FBXO48: variants seen among roughly 807,000 people sequenced by gnomAD.
FBXO48 encodes F-box only protein 48.
FBXO48 carries 12 observed loss-of-function variants against 14.3 expected under a neutral mutation model. The observed-to-expected ratio is 0.84, with a 90% confidence interval of 0.54 to 1.36. The LOEUF (loss-of-function observed/expected upper bound fraction) is 1.36. Among genes scored for constraint, FBXO48 ranks in the 40% most tolerant of loss-of-function variants. FBXO48 has a pLI of 0.00. For synonymous variants in FBXO48, 53 were observed against 61.7 expected, an observed-to-expected ratio of 0.86 and a Z score of 0.66; for missense variants, 177 against 179.1, an observed-to-expected ratio of 0.99 and a Z score of 0.07.
Position 68,463,362 on chromosome 2 carries a change from A to G in FBXO48, c.*847T>C, listed in dbSNP as rs1675315401. ...AAAATAAAGGTTCCTAAAAAGTTAT[A>G]AACTTTAACAAAGACAAGTGTTAAG... On this transcript the variant is annotated 3_prime_UTR_variant, in exon 4 of 4. Transcript: ENST00000377957. The G allele has an allele frequency of 6.6e-6, 1 of 152,176 alleles. No individual in the cohort carries two copies. Among genetic ancestry groups the G allele is most frequent in the African/African-American group, 2.4e-5 (1 of 41,444 alleles). 9.4% of individuals were successfully genotyped at this position (152,176 alleles called of 1,614,324 possible).
intron 3 of FBXO48, 70 bp from the exon 4 acceptor site, chr2:68,464,440 GAGA>G (rs781343021): frequency 2.1e-6 from 3 of 1,399,884 alleles, no homozygotes; most frequent in Non-Finnish European, 3.0e-6. Flanking sequence ...TTTAAAGCAA[GAGA>G]AGCAGATTGA....
intron 3 of FBXO48, 102 bp downstream of exon 3, chr2:68,464,738 T>C: frequency 1.2e-6 from 1 of 822,106 alleles, no homozygotes; most frequent in Non-Finnish European, 2.0e-6. Flanking sequence ...TGTGTTATTC[T>C]GCATATGTAA....
In FBXO48 at chr2:68,461,028, A is replaced by T. The variant is rs963796049; in HGVS notation, c.*3181T>A. On this transcript the variant is annotated 3_prime_UTR_variant, in exon 4 of 4. Coordinates refer to ENST00000377957, the MANE Select transcript of FBXO48 (RefSeq NM_001024680.3). ...GTGATGGCCATATTATAGCAGATTA[A>T]GACTGACTGGTGAGGAAGTCAGAGT... 2.0e-5 allele frequency: 3 copies of T among 152,236 alleles called. No homozygotes were observed. 9.4% of individuals were successfully genotyped at this position (152,236 alleles called of 1,614,324 possible).
In FBXO48 at chr2:68,460,138, C is replaced by A. The variant is rs1389273869; in HGVS notation, c.*4071G>T. ...GGGCTTTAGTGGGGAATTTTGATTTCTACCTGTATGCAGTCAGGAGTTTAA... is the reference window on the plus strand; with the variant it reads ...GGGCTTTAGTGGGGAATTTTGATTTATACCTGTATGCAGTCAGGAGTTTAA... On this transcript the variant is annotated 3_prime_UTR_variant, in exon 4 of 4. Coordinates refer to ENST00000377957, the MANE Select transcript of FBXO48 (RefSeq NM_001024680.3). 6.6e-6 allele frequency: 1 copy of A among 152,128 alleles called. No individual in the cohort carries two copies. The highest frequency in any genetic ancestry group is 6.6e-5 in the Admixed American group (1 of 15,264). 9.4% of individuals were successfully genotyped at this position (152,128 alleles called of 1,614,324 possible). A position where few individuals can be genotyped will look rare whatever the true frequency, so the allele number is the denominator to read the frequency against.
In FBXO48 at chr2:68,466,778, A is replaced by T. The variant is rs78488159; in HGVS notation, c.-360-308T>A. Among the ~76,000 whole-genome samples, 1,099 of 152,286 alleles carry T rather than the reference A, an allele frequency of 7.2e-3. 11 individuals carry two copies. The highest frequency in any genetic ancestry group is 0.025 in the African/African-American group (1,048 of 41,550). On this transcript the variant is annotated intron_variant, in intron 1 of 3. Coordinates refer to ENST00000377957, the MANE Select transcript of FBXO48 (RefSeq NM_001024680.3). The stretch of plus-strand genomic sequence containing the variant: ...CTTTGCGAGTTTCTAAAATCCCACT[A>T]GGAATCTTTCTTCTACGTCCAGGTT...
At chr2:68,465,200 T>A in intron 2 of FBXO48, 22 bp from the exon 3 acceptor site, 1 of 1,237,108 alleles carries the variant, frequency 8.1e-7, no homozygotes, top group Non-Finnish European at 1.1e-6. Flanking sequence ...AATTTAAACA[T>A]GCTCAGTCTC....
chr2:68,461,168 G>A lies in FBXO48; in HGVS notation c.*3041C>T, dbSNP rs1238767405. On this transcript the variant is annotated 3_prime_UTR_variant, in exon 4 of 4. Coordinates refer to ENST00000377957, the MANE Select transcript of FBXO48 (RefSeq NM_001024680.3). ...GTGAAACTCAATTTGAATTAATTTA[G>A]GTAAGCAGATAAGGAATGGCTGGGA... is the stretch of plus-strand genomic sequence containing the variant. 1 of 152,110 alleles carries A rather than the reference G, an allele frequency of 6.6e-6. No individual in the cohort carries two copies. Among genetic ancestry groups the A allele is most frequent in the Non-Finnish European group, 1.5e-5 (1 of 68,026 alleles). The allele number at this position is 152,110 out of a possible 1,614,324, so 9.4% of individuals were successfully genotyped here. A position where few individuals can be genotyped will look rare whatever the true frequency, so the allele number is the denominator to read the frequency against.
At chr2:68,464,578 G>A (rs1344467346) in intron 3 of FBXO48, among the ~76,000 whole-genome samples, 1 of 152,104 alleles carries the variant, frequency 6.6e-6, no homozygotes, top group Non-Finnish European at 1.5e-5. Context: ...TGGAAAGAAG[G>A]AGCTAATTCC....
intron 1 of FBXO48, among the ~76,000 whole-genome samples, chr2:68,466,920 G>C (rs1227587980): frequency 6.6e-6 from 1 of 152,176 alleles, no homozygotes; most frequent in Admixed American, 6.5e-5. Context: ...ATCATTCGGA[G>C]GGATAGATCG....
Position 68,464,993 on chromosome 2 carries a change from G to GTGTCTGCACAGAC in FBXO48, c.152_153insGTCTGTGCAGACA (p.Asp51GlufsTer21). The GTGTCTGCACAGAC allele has an allele frequency of 6.2e-7, 1 of 1,613,936 alleles. No homozygotes were observed. The highest frequency in any genetic ancestry group is 8.5e-7 in the Non-Finnish European group (1 of 1,180,032). ...ATGAAGCCCTGCACAGACTCCGAAT[G>GTGTCTGCACAGAC]TCCAGCTGACTGAAAATTTTAAAAG... On this transcript the variant is annotated frameshift_variant, in exon 3 of 4. Transcript: ENST00000377957. LOFTEE classifies it high-confidence loss of function.
intron 1 of FBXO48, among the ~76,000 whole-genome samples, 179 bp downstream of exon 1, chr2:68,467,032 C>T (rs892817065): frequency 5.9e-5 from 9 of 152,156 alleles, no homozygotes; most frequent in Non-Finnish European, 1.0e-4. Context: ...CCTTGTGTCC[C>T]GCGCGGGTTG....
chr2:68,464,698 T>C, intron 3 of FBXO48, 142 bp downstream of exon 3: 1 of 665,630 alleles, frequency 1.5e-6, no homozygotes, highest in Non-Finnish European at 2.6e-6. Flanking sequence ...CTAATAACTT[T>C]AACTCATTTC....
rs1365813127 is a variant in FBXO48 at position 68,464,283 on chromosome 2, G to A, written c.394C>T (p.Leu132=). ...RYSNICSPIS[L]PEKIMYPMDA... ...ATTGGGTACATGATTTTTTCTGGTA[G>A]GCTAATGGGAGAACAAATGTTGCTG... The change falls in exon 4 of 4, where the codon CTA becomes TTA. Residue 132 remains leucine, a synonymous_variant. Transcript: ENST00000377957. The A allele has an allele frequency of 1.2e-6, 2 of 1,613,652 alleles. No individual in the cohort carries two copies. The highest frequency in any genetic ancestry group is 1.7e-6 in the Non-Finnish European group (2 of 1,179,874).
At position 68,464,196 on chromosome 2, in the gene FBXO48, AT is replaced by A. The variant is rs755534404; in HGVS notation, c.*12del. ...AACTTTCAAAGACCTGAGATTTGTG[AT>A]TTTTTTTCCCCTTATCTTTCCAGTT... On this transcript the variant is annotated 3_prime_UTR_variant, in exon 4 of 4. Transcript: ENST00000377957. The A allele has an allele frequency of 1.1e-5, 18 of 1,609,626 alleles. No homozygotes were observed. Among genetic ancestry groups the A allele is most frequent in the East Asian group, 6.7e-5 (3 of 44,796 alleles).
In FBXO48 at chr2:68,464,237, TCCC is replaced by T; in HGVS notation, c.437_439del (p.Gly146del). 6.2e-7 allele frequency: 1 copy of T among 1,613,804 alleles called. No homozygotes were observed. Among genetic ancestry groups the T allele is most frequent in the Non-Finnish European group, 8.5e-7 (1 of 1,179,908 alleles). ...TCTTTCCAGTTCTGCTTCTAGAATT[TCCC>T]CCCATGTATCTGCATCCATTGGGTA... On this transcript the variant is annotated inframe_deletion, in exon 4 of 4. Coordinates refer to ENST00000377957, the MANE Select transcript of FBXO48 (RefSeq NM_001024680.3).
Position 68,460,138 on chromosome 2 carries a change from C to T in FBXO48, c.*4071G>A, listed in dbSNP as rs1389273869. ...GGGCTTTAGTGGGGAATTTTGATTTCTACCTGTATGCAGTCAGGAGTTTAA... is the reference window on the plus strand; with the variant it reads ...GGGCTTTAGTGGGGAATTTTGATTTTTACCTGTATGCAGTCAGGAGTTTAA... On this transcript the variant is annotated 3_prime_UTR_variant, in exon 4 of 4. Transcript: ENST00000377957. The T allele has an allele frequency of 6.6e-6, 1 of 152,128 alleles. No homozygotes were observed. Among genetic ancestry groups the T allele is most frequent in the Non-Finnish European group, 1.5e-5 (1 of 68,042 alleles). The allele number at this position is 152,128 out of a possible 1,614,324, so 9.4% of individuals were successfully genotyped here.
In FBXO48 at chr2:68,461,623, AAC is replaced by A; in HGVS notation, c.*2584_*2585del. ...GATCCGTTTTCTTTGTGTGGCAGGG[AAC>A]AGTTTCATCAGCAAAGAGGAAAGGG... On this transcript the variant is annotated 3_prime_UTR_variant, in exon 4 of 4. Coordinates refer to ENST00000377957, the MANE Select transcript of FBXO48 (RefSeq NM_001024680.3). 1 of 152,010 alleles carries A rather than the reference AAC, an allele frequency of 6.6e-6. No homozygotes were observed. Among genetic ancestry groups the A allele is most frequent in the Non-Finnish European group, 1.5e-5 (1 of 68,134 alleles). 9.4% of individuals were successfully genotyped at this position (152,010 alleles called of 1,614,324 possible).
intron 2 of FBXO48, among the ~76,000 whole-genome samples, chr2:68,465,812 G>T (rs963288030): frequency 6.6e-6 from 1 of 152,166 alleles, no homozygotes; most frequent in Non-Finnish European, 1.5e-5. Context: ...AAACTTGCTG[G>T]ACTTCTAGTT....
Position 68,464,891 on chromosome 2 carries a change from A to G in FBXO48, c.255T>C (p.Ala85=), listed in dbSNP as rs1274661404. 1 of 1,613,678 alleles carries G rather than the reference A, an allele frequency of 6.2e-7. No homozygotes were observed. The highest frequency in any genetic ancestry group is 8.5e-7 in the Non-Finnish European group (1 of 1,180,008). The change falls in exon 3 of 4, where the codon GCT becomes GCC. Residue 85 remains alanine, a synonymous_variant. Coordinates refer to ENST00000377957, the MANE Select transcript of FBXO48 (RefSeq NM_001024680.3). ...LWKPHCMTVR[A]VCRREIDDDL... ...CATCATCTATTTCTCTTCGGCACACAGCTCTTACAGTCATGCAGTGAGGTT... is the reference window on the plus strand; with the variant it reads ...CATCATCTATTTCTCTTCGGCACACGGCTCTTACAGTCATGCAGTGAGGTT...
Sources: allele counts gnomAD v4.1 joint callset (sites outside exome capture counted in the v4.1 genomes callset), GRCh38; gene constraint gnomAD v4.1.1; transcripts MANE v1.5; gene names NCBI Gene and HGNC (gene_info 2026-07-23, HGNC 2026-07-21).